Variants in NR2F2 observed in about 807,000 individuals in gnomAD.
NR2F2 encodes COUP transcription factor 2.
A neutral mutation model predicts 34.8 loss-of-function variants in NR2F2; 2 were observed. The ratio of observed to expected loss-of-function variants is 0.06; its 90% CI spans 0.02 to 0.18. The LOEUF (loss-of-function observed/expected upper bound fraction) is 0.18. Ranked by LOEUF, NR2F2 falls within the 10% of genes least tolerant of loss-of-function variation. The pLI, the probability that NR2F2 is intolerant of heterozygous loss-of-function variation, is 1.00. For synonymous variants in NR2F2, 274 were observed against 251.8 expected (o/e 1.09, Z -0.84); for missense variants, 300 against 580.1 (o/e 0.52, Z 4.96).
At chr15:96,326,487 G>A, upstream of NR2F2, 1 of 716,884 alleles carries the variant, frequency 1.4e-6, no homozygotes, top group South Asian at 1.7e-5. The surrounding 1 kb of genome is among the most constrained non-coding windows in gnomAD (Gnocchi z 5.5). Flanking sequence ...CGAGGACTGT[G>A]GTTTAAGGGG....
chr15:96,326,248 G>A (rs1308371840), upstream of NR2F2: 5 of 1,302,452 alleles, frequency 3.8e-6, no homozygotes, highest in African/African-American at 1.4e-5. The surrounding 1 kb of genome is among the most constrained non-coding windows in gnomAD (Gnocchi z 5.5). Context: ...TTTTCAGGGG[G>A]CCAACAAAGC....
At position 96,331,544 on chromosome 15, in the gene NR2F2, C is replaced by T. The variant is rs1899141417; in HGVS notation, c.-562C>T. ...CCCCGGACAGTCGCCTCTCCTCCTC[C>T]TCTACCTCCTCCTTCACCACCACCT... is the stretch of plus-strand genomic sequence containing the variant. On this transcript the variant is annotated 5_prime_UTR_variant, in exon 1 of 3. Coordinates refer to ENST00000394166, the MANE Select transcript of NR2F2 (RefSeq NM_021005.4). 3 of 1,229,766 alleles carry T rather than the reference C, an allele frequency of 2.4e-6. No individual in the cohort carries two copies. Among genetic ancestry groups the T allele is most frequent in the African/African-American group, 1.6e-5 (1 of 63,828 alleles). The allele number at this position is 1,229,766 out of a possible 1,614,324, so 76.2% of individuals were successfully genotyped here. A position where few individuals can be genotyped will look rare whatever the true frequency, so the allele number is the denominator to read the frequency against.
At position 96,331,057 on chromosome 15, in the gene NR2F2, C is replaced by G; in HGVS notation, c.-1049C>G. On this transcript the variant is annotated 5_prime_UTR_variant, in exon 1 of 3. Coordinates refer to ENST00000394166, the MANE Select transcript of NR2F2 (RefSeq NM_021005.4). The stretch of plus-strand genomic sequence containing the variant: ...TATGTGTGTGAGGCGGCGGCGGCAG[C>G]AGCAGCAGCAGCGGCTCCGGCGGCG... The G allele has an allele frequency of 2.0e-5, 25 of 1,240,360 alleles. No homozygotes were observed. The highest frequency in any genetic ancestry group is 2.5e-5 in the Non-Finnish European group (25 of 996,298). The allele number at this position is 1,240,360 out of a possible 1,614,324, so 76.8% of individuals were successfully genotyped here.
chr15:96,326,538 A>G (rs1898992282), upstream of NR2F2, among the ~76,000 whole-genome samples: 2 of 150,798 alleles, frequency 1.3e-5, no homozygotes, highest in African/African-American at 4.9e-5. The surrounding 1 kb of genome is among the most constrained non-coding windows in gnomAD (Gnocchi z 5.5). Context: ...ATGCATTGCC[A>G]TATTTTATTA....
intron 1 of NR2F2, 34 bp from the exon 2 acceptor site, chr15:96,334,042 A>G: frequency 6.3e-6 from 10 of 1,594,152 alleles, no homozygotes; most frequent in Non-Finnish European, 7.7e-6. Flanking sequence ...GAGGCTGGTC[A>G]TTAACTGTGG....
chr15:96,328,260 G>C (rs1899043732), upstream of NR2F2, among the ~76,000 whole-genome samples: 2 of 152,156 alleles, frequency 1.3e-5, no homozygotes, highest in Non-Finnish European at 2.9e-5. Flanking sequence ...AGATATGGTT[G>C]GGAAATTATT....
intron 2 of NR2F2, among the ~76,000 whole-genome samples, chr15:96,337,076 A>C (rs1389687247): frequency 6.6e-6 from 1 of 152,182 alleles, no homozygotes; most frequent in African/African-American, 2.4e-5. Context: ...CGGGCAGTGA[A>C]AGCCTGTAGC....
upstream of NR2F2, among the ~76,000 whole-genome samples, chr15:96,328,233 C>A (rs28572142): frequency 0.059 from 8,976 of 152,232 alleles, 354 homozygotes; most frequent in African/African-American, 0.12. Flanking sequence ...ATTTGCCTAG[C>A]AGGCTCCAAT....
In NR2F2 at chr15:96,337,467, T is replaced by C; in HGVS notation, c.1090T>C (p.Leu364=). The change falls in exon 3 of 3, where the codon TTG becomes CTG. Residue 364 remains leucine (L), a synonymous_variant. Coordinates refer to ENST00000394166, the MANE Select transcript of NR2F2 (RefSeq NM_021005.4). ...CCAGCCGACGAGATTCGGAAAGCTT[T>C]TGCTTCGCCTCCCTTCCCTCCGCAC... ...PNQPTRFGKL[L]LRLPSLRTVS... is the part of the protein sequence containing the mutation. The C allele has an allele frequency of 6.2e-7, 1 of 1,614,148 alleles. No individual in the cohort carries two copies. Among genetic ancestry groups the C allele is most frequent in the Admixed American group, 1.7e-5 (1 of 60,020 alleles).
chr15:96,335,364 A>G (rs965214381), intron 2 of NR2F2, among the ~76,000 whole-genome samples: 1 of 152,238 alleles, frequency 6.6e-6, no homozygotes, highest in South Asian at 2.1e-4. Flanking sequence ...TGCATTATGC[A>G]ATCTAATTAG....
At position 96,331,293 on chromosome 15, in the gene NR2F2, C is replaced by T. The variant is rs894853857; in HGVS notation, c.-813C>T. The stretch of plus-strand genomic sequence containing the variant: ...GGACGCCCGGGGCAGGCGGCGGCGG[C>T]GGCGGCCCAGCGCCAGGACGACGCC... On this transcript the variant is annotated 5_prime_UTR_variant, in exon 1 of 3. Coordinates refer to ENST00000394166, the MANE Select transcript of NR2F2 (RefSeq NM_021005.4). 3 of 1,074,514 alleles carry T rather than the reference C, an allele frequency of 2.8e-6. No individual in the cohort carries two copies. Among genetic ancestry groups the T allele is most frequent in the Non-Finnish European group, 2.2e-6 (2 of 888,930 alleles). The allele number at this position is 1,074,514 out of a possible 1,614,324, so 66.6% of individuals were successfully genotyped here. A position where few individuals can be genotyped will look rare whatever the true frequency, so the allele number is the denominator to read the frequency against.
chr15:96,331,038 T>G lies in NR2F2; in HGVS notation c.-1068T>G. On this transcript the variant is annotated 5_prime_UTR_variant, in exon 1 of 3. Transcript: ENST00000394166. The stretch of plus-strand genomic sequence containing the variant: ...GGCGAGTTGACTCTTTCCCTATGTG[T>G]GTGAGGCGGCGGCGGCAGCAGCAGC... 8.1e-7 allele frequency: 1 copy of G among 1,238,730 alleles called. No homozygotes were observed. The highest frequency in any genetic ancestry group is 1.0e-6 in the Non-Finnish European group (1 of 994,708). The allele number at this position is 1,238,730 out of a possible 1,614,324, so 76.7% of individuals were successfully genotyped here. A position where few individuals can be genotyped will look rare whatever the true frequency, so the allele number is the denominator to read the frequency against.
Position 96,332,324 on chromosome 15 carries a change from G to T in NR2F2, c.219G>T (p.Gln73His), listed in dbSNP as rs767114273. The part of the protein sequence containing the change: ...PGGPGSDKQQ[Q>H]QQHIECVVCG... ...GCCCGGGTAGCGACAAGCAGCAGCAGCAGCAACACATCGAGTGCGTGGTGT... is the reference window on the plus strand; with the variant it reads ...GCCCGGGTAGCGACAAGCAGCAGCATCAGCAACACATCGAGTGCGTGGTGT... The change falls in exon 1 of 3, where the codon CAG becomes CAT. Residue 73 changes from glutamine to histidine, a missense_variant. Coordinates refer to ENST00000394166, the MANE Select transcript of NR2F2 (RefSeq NM_021005.4). The T allele has an allele frequency of 5.0e-6, 8 of 1,598,594 alleles. No individual in the cohort carries two copies. Among genetic ancestry groups the T allele is most frequent in the Non-Finnish European group, 6.8e-6 (8 of 1,172,660 alleles).
chr15:96,331,773 C>T lies in NR2F2; in HGVS notation c.-333C>T, dbSNP rs1899151404. The T allele has an allele frequency of 1.7e-6, 2 of 1,174,848 alleles. No homozygotes were observed. The highest frequency in any genetic ancestry group is 4.4e-5 in the South Asian group (1 of 22,640). 72.8% of individuals were successfully genotyped at this position (1,174,848 alleles called of 1,614,324 possible). A position where few individuals can be genotyped will look rare whatever the true frequency, so the allele number is the denominator to read the frequency against. ...CCTCCCCTCCCTCTTTCTCCACGTT[C>T]TGCTCCCACTCGCTCTCCTGTCCCC... On this transcript the variant is annotated 5_prime_UTR_variant, in exon 1 of 3. Coordinates refer to ENST00000394166, the MANE Select transcript of NR2F2 (RefSeq NM_021005.4).
rs1899161673 is a variant in NR2F2 at position 96,332,038 on chromosome 15, G to A, written c.-68G>A. 4.8e-6 allele frequency: 6 copies of A among 1,244,062 alleles called. No individual in the cohort carries two copies. The highest frequency in any genetic ancestry group is 5.0e-6 in the Non-Finnish European group (5 of 993,360). The allele number at this position is 1,244,062 out of a possible 1,614,324, so 77.1% of individuals were successfully genotyped here. On this transcript the variant is annotated 5_prime_UTR_variant, in exon 1 of 3. Transcript: ENST00000394166. Reference sequence around the variant, plus strand: ...GGCGCGCCGGAGCCCGAGACCCGGGGAGCCGCCGCCGCCCCGCCGCCGCCC... The same window carrying A: ...GGCGCGCCGGAGCCCGAGACCCGGGAAGCCGCCGCCGCCCCGCCGCCGCCC...
intron 1 of NR2F2, chr15:96,333,761 C>T (rs1415447264): frequency 1.5e-6 from 2 of 1,354,672 alleles, no homozygotes; most frequent in Non-Finnish European, 1.9e-6. Context: ...AGAAAGATGC[C>T]CTCAGAATGC....
upstream of NR2F2, among the ~76,000 whole-genome samples, chr15:96,330,526 A>C (rs1445653541): frequency 7.5e-6 from 1 of 132,584 alleles, no homozygotes; most frequent in African/African-American, 2.8e-5. Flanking sequence ...CGCGGCCGCC[A>C]TGGCGGGGCC....
rs1268401798 is a variant in NR2F2 at position 96,338,568 on chromosome 15, T to A, written c.*946T>A. 6.6e-6 allele frequency: 1 copy of A among 152,572 alleles called. No individual in the cohort carries two copies. The highest frequency in any genetic ancestry group is 1.5e-5 in the Non-Finnish European group (1 of 68,030). The allele number at this position is 152,572 out of a possible 1,614,324, so 9.5% of individuals were successfully genotyped here. On this transcript the variant is annotated 3_prime_UTR_variant, in exon 3 of 3. Coordinates refer to ENST00000394166, the MANE Select transcript of NR2F2 (RefSeq NM_021005.4). The stretch of plus-strand genomic sequence containing the variant: ...TATAATTGTTGATATTTTCCCTTTT[T>A]AAAAAATACCATTGAAATCAGCATG...
chr15:96,334,951 TCTC>T (rs1899279529), intron 2 of NR2F2, among the ~76,000 whole-genome samples: 2 of 152,198 alleles, frequency 1.3e-5, no homozygotes, highest in Admixed American at 1.3e-4. Context: ...CCCCAGGGAA[TCTC>T]CTCAAGCCCT....
Sources: allele counts gnomAD v4.1 joint callset (sites outside exome capture counted in the v4.1 genomes callset), GRCh38; gene constraint gnomAD v4.1.1; non-coding constraint Gnocchi (gnomAD v3.1); transcripts MANE v1.5; gene names NCBI Gene and HGNC (gene_info 2026-07-23, HGNC 2026-07-21).